The following PLA2R1 variants were observed in gnomAD, a reference collection of about 807,000 sequenced individuals.
PLA2R1 encodes phospholipase A2 receptor 1, also known as secretory phospholipase A2 receptor.
A neutral mutation model predicts 195.9 loss-of-function variants in PLA2R1; 158 were observed. That is an observed-to-expected ratio of 0.81 (90% CI 0.71 to 0.92). The LOEUF (loss-of-function observed/expected upper bound fraction) is 0.92. PLA2R1 is among the 40% of genes least tolerant of loss of function. PLA2R1 has a pLI of 0.00. For synonymous variants in PLA2R1, 586 were observed against 598.2 expected, an observed-to-expected ratio of 0.98 and a Z score of 0.30; for missense variants, 1,626 against 1,764.6, an observed-to-expected ratio of 0.92 and a Z score of 1.41.
intron 1 of PLA2R1, among the ~76,000 whole-genome samples, chr2:160,046,860 G>C (rs1694905152): frequency 6.6e-6 from 1 of 152,146 alleles, no homozygotes; most frequent in Non-Finnish European, 1.5e-5. Flanking sequence ...TCGTCAATGT[G>C]ATATGGAGTC....
At chr2:159,982,965 T>C (rs543291035) in intron 13 of PLA2R1, among the ~76,000 whole-genome samples, 1 of 152,288 alleles carries the variant, frequency 6.6e-6, no homozygotes, top group South Asian at 2.1e-4. Context: ...CAGCTATGCA[T>C]GTAACTGTGC....
chr2:159,993,079 T>G (rs573278362), intron 11 of PLA2R1, among the ~76,000 whole-genome samples: 1 of 152,284 alleles, frequency 6.6e-6, no homozygotes, highest in South Asian at 2.1e-4. Context: ...CTATTCTCTT[T>G]CACCATAGAG....
intron 1 of PLA2R1, among the ~76,000 whole-genome samples, chr2:160,056,262 T>C (rs1386782393): frequency 6.6e-6 from 1 of 152,196 alleles, no homozygotes; most frequent in Non-Finnish European, 1.5e-5. Flanking sequence ...TGAAACATTG[T>C]TTCAGTTATA....
chr2:159,926,713 G>C, the PLA2R1 span, among the ~76,000 whole-genome samples: 2 of 152,154 alleles, frequency 1.3e-5, no homozygotes, highest in Non-Finnish European at 2.9e-5. Flanking sequence ...AGGGACTACT[G>C]TATTTATAAA....
At position 159,987,328 on chromosome 2, in the gene PLA2R1, C is replaced by A; in HGVS notation, c.1865G>T (p.Gly622Val). 4 of 1,611,832 alleles carry A rather than the reference C, an allele frequency of 2.5e-6. No homozygotes were observed. The highest frequency in any genetic ancestry group is 3.4e-6 in the Non-Finnish European group (4 of 1,179,752). ...RYSGGCVAMR[G>V]RHPLGRWEVK... ...TTCCCAGCGACCAAGTGGATGCCTT[C>A]CTCGCATGGCAACACAGCCACCACT... Residue 622 changes from glycine (G) to valine (V), a missense_variant, in exon 12 of 30, where the codon GGA becomes GTA. Gly to Val is a moderately radical substitution (Grantham distance 109). Transcript: ENST00000283243.
At chr2:160,042,808 T>TGTGTGTGC (rs1340272583) in intron 2 of PLA2R1, among the ~76,000 whole-genome samples, 1 of 22,256 alleles carries the variant, frequency 4.5e-5, no homozygotes, top group Non-Finnish European at 8.3e-5. Flanking sequence ...TGCGTGTGTG[T>TGTGTGTGC]GTGTGTGTGT....
intron 7 of PLA2R1, among the ~76,000 whole-genome samples, chr2:160,021,717 TCAC>T (rs549864345): frequency 1.3e-5 from 2 of 152,356 alleles, no homozygotes; most frequent in South Asian, 4.1e-4. Context: ...AGGCCAGACT[TCAC>T]CACTGCAATA....
rs1448521040 is a variant in PLA2R1, at chr2:159,938,207, T to C, written c.*3571A>G. ...CTCCATAATGAATCAAAGATGGGTC[T>C]CAAGTCAACATCCTCTGTCAGCCAC... On this transcript the variant is annotated 3_prime_UTR_variant, in exon 30 of 30. Transcript: ENST00000283243. 6.6e-6 allele frequency: 1 copy of C among 152,228 alleles called. No individual in the cohort carries two copies. Among genetic ancestry groups the C allele is most frequent in the Non-Finnish European group, 1.5e-5 (1 of 68,042 alleles). 9.4% of individuals were successfully genotyped at this position (152,228 alleles called of 1,614,324 possible).
chr2:160,005,532 G>A (rs1187797005), intron 11 of PLA2R1, 120 bp downstream of exon 11: 15 of 706,576 alleles, frequency 2.1e-5, no homozygotes, highest in South Asian at 9.8e-5. Context: ...GTTGATCCTT[G>A]TAATTGATTT....
At chr2:159,924,534 T>G in the PLA2R1 span, among the ~76,000 whole-genome samples, 4 of 152,086 alleles carry the variant, frequency 2.6e-5, no homozygotes, top group Non-Finnish European at 4.4e-5. Context: ...GCAGCCAAAA[T>G]GGATGTCAAA....
At chr2:160,021,874 C>T (rs1693151781) in intron 7 of PLA2R1, among the ~76,000 whole-genome samples, 1 of 152,152 alleles carries the variant, frequency 6.6e-6, no homozygotes, top group African/African-American at 2.4e-5. Context: ...GTAATTAAAA[C>T]TTGACAGCCT....
chr2:160,040,923 T>G (rs910757143), intron 3 of PLA2R1, among the ~76,000 whole-genome samples: 7 of 152,232 alleles, frequency 4.6e-5, no homozygotes, highest in African/African-American at 1.7e-4. Context: ...CTTGAATGCC[T>G]CATCTAATTG....
intron 1 of PLA2R1, among the ~76,000 whole-genome samples, chr2:160,057,701 G>A (rs1456719206): frequency 2.0e-5 from 3 of 152,140 alleles, no homozygotes; most frequent in African/African-American, 7.2e-5. Flanking sequence ...TTCTGTATCT[G>A]TCCCTGGACT....
intron 13 of PLA2R1, among the ~76,000 whole-genome samples, chr2:159,980,269 G>T (rs1450713684): frequency 6.6e-6 from 1 of 152,128 alleles, no homozygotes; most frequent in Non-Finnish European, 1.5e-5. Flanking sequence ...GTGGGTAAAA[G>T]TCAGCTTTTA....
At chr2:159,930,350 G>A (rs1038709593), downstream of PLA2R1, among the ~76,000 whole-genome samples, 25 of 151,614 alleles carry the variant, frequency 1.6e-4, no homozygotes, top group African/African-American at 5.1e-4. Context: ...AGAGCTTGCA[G>A]TGAGCAGGGA....
At chr2:160,029,361 C>A (rs3792189) in intron 4 of PLA2R1, among the ~76,000 whole-genome samples, 79,050 of 151,800 alleles carry the variant, frequency 0.52, 21,955 homozygotes, top group Non-Finnish European at 0.63. Flanking sequence ...AAAGGTAAAA[C>A]GGTGTGCTGA....
At chr2:159,950,157 T>C (rs1687648480) in intron 24 of PLA2R1, among the ~76,000 whole-genome samples, 1 of 152,174 alleles carries the variant, frequency 6.6e-6, no homozygotes, top group Admixed American at 6.5e-5. Flanking sequence ...GGGAAAACCT[T>C]TCCAAGTCAT....
chr2:160,027,819 G>T (rs977710782), intron 6 of PLA2R1, among the ~76,000 whole-genome samples: 1 of 152,172 alleles, frequency 6.6e-6, no homozygotes, highest in Non-Finnish European at 1.5e-5. Context: ...GAGATTCAGA[G>T]TGTGGCAGAA....
intron 28 of PLA2R1, among the ~76,000 whole-genome samples, chr2:159,943,267 G>A (rs545303641): frequency 2.0e-5 from 3 of 151,894 alleles, no homozygotes; most frequent in Admixed American, 2.0e-4. Flanking sequence ...CACCACCCCC[G>A]GCCCAGACTT....
Sources: allele counts gnomAD v4.1 joint callset (sites outside exome capture counted in the v4.1 genomes callset), GRCh38; gene constraint gnomAD v4.1.1; transcripts MANE v1.5; gene names NCBI Gene and HGNC (gene_info 2026-07-23, HGNC 2026-07-21).